The following FRY variants were observed in gnomAD, a reference collection of about 807,000 sequenced individuals.
FRY encodes the protein FRY microtubule binding protein, also known as protein furry homolog.
FRY carries 128 observed loss-of-function variants against 348.4 expected under a neutral mutation model. The observed-to-expected ratio is 0.37, with a 90% CI of 0.32 to 0.43. The LOEUF is 0.43. Among genes scored for constraint, FRY ranks in the 20% least tolerant of loss-of-function variants. The pLI is 1.00. For synonymous variants in FRY, 1,370 were observed against 1,374.7 expected, an observed-to-expected ratio of 1.00 and a Z score of 0.08; for missense variants, 2,736 against 3,695.2, an observed-to-expected ratio of 0.74 and a Z score of 6.73.
At position 32,234,686 on chromosome 13, in the gene FRY, T is replaced by G; in HGVS notation, c.5640T>G (p.Pro1880=). The change falls in exon 42 of 61, where the codon CCT becomes CCG. Residue 1880 remains proline (P), a synonymous_variant. Transcript: ENST00000542859. ...SFQIFRALKQ[P]LSAHALSDLL... ...AGATATTCCGGGCCCTCAAGCAACC[T>G]CTGTCAGCACATGCCTTATCTGACC... 1.2e-6 allele frequency: 2 copies of G among 1,614,100 alleles called. No homozygotes were observed. The highest frequency in any genetic ancestry group is 2.2e-5 in the South Asian group (2 of 91,074).
At chr13:32,158,776 G>A (rs756346802) in intron 16 of FRY, among the ~76,000 whole-genome samples, 31 of 151,800 alleles carry the variant, frequency 2.0e-4, no homozygotes, top group Non-Finnish European at 3.8e-4. Context: ...AAATTAGCCG[G>A]GCATGGTGGC....
At chr13:32,045,381 A>C (rs754249248) in intron 1 of FRY, among the ~76,000 whole-genome samples, 3 of 152,086 alleles carry the variant, frequency 2.0e-5, no homozygotes, top group Non-Finnish European at 4.4e-5. Flanking sequence ...TGGAGCACTC[A>C]CAATTCCTTC....
intron 58 of FRY, 43 bp from the exon 59 acceptor site, chr13:32,289,590 C>G (rs751685900): frequency 1.7e-6 from 2 of 1,194,740 alleles, no homozygotes; most frequent in Non-Finnish European, 2.5e-6. Context: ...TGTGAATGAT[C>G]TTTAACAATA....
chr13:32,177,694 C>A (rs1393381083), intron 20 of FRY, among the ~76,000 whole-genome samples: 2 of 152,114 alleles, frequency 1.3e-5, no homozygotes, highest in Non-Finnish European at 2.9e-5. Flanking sequence ...GCTTAGCCAT[C>A]TCTCTAAATC....
chr13:32,131,590 A>G, intron 7 of FRY, 82 bp from the exon 8 acceptor site: 1 of 909,840 alleles, frequency 1.1e-6, no homozygotes, highest in Non-Finnish European at 1.8e-6. Context: ...TGCTCTGCTC[A>G]ATCACTCCCA....
rs149494513 is a variant in FRY at position 32,040,097 on chromosome 13, C to G, written c.70+8232C>G. On this transcript the variant is annotated intron_variant, in intron 1 of 60. Coordinates refer to ENST00000542859, the MANE Select transcript of FRY (RefSeq NM_023037.3). Reference sequence around the variant, plus strand: ...CGAGGCCAACTTCTTTGAGTTTAGCCTTAAATAGGTAAATATGTATTTTGG... The same window carrying G: ...CGAGGCCAACTTCTTTGAGTTTAGCGTTAAATAGGTAAATATGTATTTTGG... Among the ~76,000 whole-genome samples the G allele has an allele frequency of 1.2e-3, 185 of 152,166 alleles. 4 individuals are homozygous for G. In the East Asian group the frequency reaches 0.033, roughly 27 times the overall value.
intron 25 of FRY, 54 bp from the exon 26 acceptor site, chr13:32,184,922 A>G: frequency 6.9e-7 from 1 of 1,451,676 alleles, no homozygotes; most frequent in Non-Finnish European, 9.7e-7. Context: ...TGAAGCCTGT[A>G]TTACTTTGAC....
chr13:32,154,391 A>G (rs950631628), intron 14 of FRY, among the ~76,000 whole-genome samples: 6 of 152,164 alleles, frequency 3.9e-5, no homozygotes, highest in African/African-American at 1.4e-4. Context: ...AATTATGATA[A>G]CTCCTTAAAG....
chr13:32,210,754 C>T (rs1007528349), intron 33 of FRY, 112 bp from the exon 34 acceptor site: 11 of 835,254 alleles, frequency 1.3e-5, no homozygotes, highest in African/African-American at 3.3e-5. Flanking sequence ...TTAGCTATCA[C>T]GGTGACAGCT....
rs1882206482 is a variant in FRY at position 32,173,443 on chromosome 13, GT to G, written c.2232del (p.Phe744LeufsTer19). 6.2e-7 allele frequency: 1 copy of G among 1,612,908 alleles called. No individual in the cohort carries two copies. On this transcript the variant is annotated frameshift_variant, in exon 19 of 61. Coordinates refer to ENST00000542859, the MANE Select transcript of FRY (RefSeq NM_023037.3). LOFTEE classifies it high-confidence loss of function. Reference protein sequence around the residue: ...PHCSVLHAVEGFALVLLCSFQ... With the variant: ...PHCSVLHAVEXFALVLLCSFQ... ...TGCAGTGTACTCCACGCTGTAGAAGGTTTTGCTCTGGTTTTACTCTGCAGTT... is the reference window on the plus strand; with the variant it reads ...TGCAGTGTACTCCACGCTGTAGAAGGTTTGCTCTGGTTTTACTCTGCAGTT...
At chr13:32,214,430 TG>T (rs1180150408) in intron 35 of FRY, among the ~76,000 whole-genome samples, 1 of 152,196 alleles carries the variant, frequency 6.6e-6, no homozygotes, top group Non-Finnish European at 1.5e-5. Context: ...TAAAAGATTA[TG>T]AGATTTTGAG....
intron 11 of FRY, among the ~76,000 whole-genome samples, chr13:32,140,741 A>C (rs1434767113): frequency 2.0e-5 from 3 of 152,252 alleles, no homozygotes; most frequent in African/African-American, 7.2e-5. Context: ...TGTGGTTGCC[A>C]TAAATATATT....
rs1321617538 is a variant in FRY at position 32,243,913 on chromosome 13, A to C, written c.6688-129A>C. The C allele has an allele frequency of 1.4e-5, 14 of 998,298 alleles. No homozygotes were observed. The East Asian group carries it at 3.3e-4, about 23-fold the overall frequency. 61.8% of individuals were successfully genotyped at this position (998,298 alleles called of 1,614,324 possible). ...TCGAGACTAGGCTGGGCAACATAGCAAGACCCCATCTCCTAAAAAAATAAA... is the reference window on the plus strand; with the variant it reads ...TCGAGACTAGGCTGGGCAACATAGCCAGACCCCATCTCCTAAAAAAATAAA... On this transcript the variant is annotated intron_variant, in intron 46 of 60. Coordinates refer to ENST00000542859, the MANE Select transcript of FRY (RefSeq NM_023037.3).
chr13:32,034,043 C>G (rs1872378338), intron 1 of FRY, among the ~76,000 whole-genome samples: 1 of 152,204 alleles, frequency 6.6e-6, no homozygotes, highest in Non-Finnish European at 1.5e-5. Flanking sequence ...CGGCTAATTG[C>G]ACCTGCATGC....
At position 32,184,987 on chromosome 13, in the gene FRY, C is replaced by A. The variant is rs553898738; in HGVS notation, c.3158C>A (p.Ala1053Asp). 4 of 1,613,584 alleles carry A rather than the reference C, an allele frequency of 2.5e-6. No individual in the cohort carries two copies. The South Asian group carries it at 3.3e-5, about 13-fold the overall frequency. The change falls in exon 26 of 61, where the codon GCC (alanine) becomes GAC (aspartate). Residue 1053 changes from alanine to aspartate, a missense_variant. Physicochemically the swap from Ala to Asp is moderately radical, Grantham distance 126. Transcript: ENST00000542859. The part of the protein sequence containing the change: ...AGVISDSTNG[A>D]LERDTLALGA... ...TTCCTTTATTCCAGCACAAATGGAG[C>A]CCTAGAGCGGGATACTTTAGCCCTG...
At chr13:32,226,248 A>G (rs1277220871) in intron 39 of FRY, among the ~76,000 whole-genome samples, 1 of 152,188 alleles carries the variant, frequency 6.6e-6, no homozygotes, top group Non-Finnish European at 1.5e-5. Flanking sequence ...TGCATTGGAA[A>G]TGTAAGTGCC....
In FRY at chr13:32,173,474, G is replaced by A. The variant is rs753455056; in HGVS notation, c.2259G>A (p.Gln753=). Residue 753 remains glutamine (Q), a synonymous_variant, in exon 19 of 61, where the codon CAG becomes CAA. Coordinates refer to ENST00000542859, the MANE Select transcript of FRY (RefSeq NM_023037.3). ...GFALVLLCSF[Q]VATRKLSVLI... is the part of the protein sequence containing the mutation. ...CTCTGGTTTTACTCTGCAGTTTCCA[G>A]GTGGCCACACGCAAACTGTCCGTTT... 1.2e-6 allele frequency: 2 copies of A among 1,613,400 alleles called. No individual in the cohort carries two copies. Among genetic ancestry groups the A allele is most frequent in the Non-Finnish European group, 1.7e-6 (2 of 1,179,790 alleles).
At chr13:32,247,750 A>T (rs1464377581) in intron 48 of FRY, among the ~76,000 whole-genome samples, 1 of 152,354 alleles carries the variant, frequency 6.6e-6, no homozygotes, top group East Asian at 1.9e-4. Context: ...AAAAAGAGGT[A>T]TTTAAAAATG....
Position 32,141,415 on chromosome 13 carries a change from G to C in FRY, c.1179+4443G>C, listed in dbSNP as rs575318016. Among the ~76,000 whole-genome samples the C allele has an allele frequency of 2.0e-5, 3 of 152,296 alleles. No homozygotes were observed. The South Asian group carries it at 6.2e-4, about 32-fold the overall frequency. On this transcript the variant is annotated intron_variant, in intron 11 of 60. Transcript: ENST00000542859. Reference sequence around the variant, plus strand: ...ACAAAGAAATAGATTTACTTAGATGGCTTTCTCTTTGAAATGGAAGAGAAA... The same window carrying C: ...ACAAAGAAATAGATTTACTTAGATGCCTTTCTCTTTGAAATGGAAGAGAAA...
Sources: gnomAD v4.1 joint callset for allele counts (sites outside exome capture counted in the v4.1 genomes callset) on GRCh38, gnomAD v4.1.1 for gene constraint, MANE v1.5 for transcripts, NCBI Gene and HGNC (gene_info 2026-07-23, HGNC 2026-07-21) for gene names.